PDZRN3: variants seen among roughly 807,000 people sequenced by gnomAD.
PDZRN3 encodes the protein PDZ domain containing ring finger 3, also known as E3 ubiquitin-protein ligase PDZRN3.
PDZRN3 carries 38 observed loss-of-function variants against 85.7 expected under a neutral mutation model. The observed-to-expected ratio is 0.44, with a 90% CI of 0.34 to 0.58. The LOEUF is 0.58. PDZRN3 is among the 20% of genes least tolerant of loss of function. The pLI is 0.01. For synonymous variants in PDZRN3, 759 were observed against 638.0 expected, an observed-to-expected ratio of 1.19 and a Z score of -2.86; for missense variants, 1,629 against 1,506.4, an observed-to-expected ratio of 1.08 and a Z score of -1.35.
intron 2 of PDZRN3, among the ~76,000 whole-genome samples, chr3:73,603,870 A>ACAC (rs1702553542): frequency 9.1e-6 from 1 of 110,434 alleles, no homozygotes; most frequent in African/African-American, 3.1e-5. Context: ...CACTTCCCCA[A>ACAC]ACACACACAC....
At chr3:73,540,353 AC>A (rs1419173477) in intron 3 of PDZRN3, among the ~76,000 whole-genome samples, 1 of 152,122 alleles carries the variant, frequency 6.6e-6, no homozygotes, top group Non-Finnish European at 1.5e-5. Context: ...AAACCAAAAA[AC>A]ATGTTTTTGA....
chr3:73,591,871 G>A (rs1298862619), intron 3 of PDZRN3, among the ~76,000 whole-genome samples: 2 of 152,096 alleles, frequency 1.3e-5, no homozygotes, highest in African/African-American at 4.8e-5. Flanking sequence ...TTAACTTGGT[G>A]TTATTTTCCT....
intron 3 of PDZRN3, among the ~76,000 whole-genome samples, chr3:73,448,766 T>G (rs962038272): frequency 6.6e-6 from 1 of 152,204 alleles, no homozygotes; most frequent in Admixed American, 6.5e-5. Flanking sequence ...GAATAATTTG[T>G]GGCTACCCCT....
At chr3:73,574,905 T>C (rs1702101196) in intron 3 of PDZRN3, among the ~76,000 whole-genome samples, 1 of 152,254 alleles carries the variant, frequency 6.6e-6, no homozygotes, top group Admixed American at 6.5e-5. Flanking sequence ...CACAGTCCTA[T>C]TGGAGCATGC....
chr3:73,393,438 G>C (rs1701569564), intron 5 of PDZRN3, among the ~76,000 whole-genome samples: 1 of 152,186 alleles, frequency 6.6e-6, no homozygotes, highest in African/African-American at 2.4e-5. Flanking sequence ...AACCTCTATA[G>C]CAGCTGGACA....
intron 3 of PDZRN3, among the ~76,000 whole-genome samples, chr3:73,568,219 C>T (rs1559742009): frequency 6.6e-6 from 1 of 152,128 alleles, no homozygotes; most frequent in Non-Finnish European, 1.5e-5. Flanking sequence ...TGCAGATCAT[C>T]ACTAACCTGT....
rs575466440 is a variant in PDZRN3 at position 73,532,032 on chromosome 3, C to T, written c.918+70322G>A. On this transcript the variant is annotated intron_variant, in intron 3 of 9. Transcript: ENST00000263666. ...AAACTTTTTTTTTGAGACGGAGTCT[C>T]GCTCTGTCGCCCAGGCTGGAGTGCA... 8.1e-4 allele frequency among the ~76,000 whole-genome samples: 123 copies of T among 152,280 alleles called. 1 individual carries two copies. Among genetic ancestry groups the T allele is most frequent in the Non-Finnish European group, 1.0e-3 (68 of 68,014 alleles).
At chr3:73,486,429 A>T (rs1281532584) in intron 3 of PDZRN3, among the ~76,000 whole-genome samples, 1 of 152,094 alleles carries the variant, frequency 6.6e-6, no homozygotes, top group African/African-American at 2.4e-5. Flanking sequence ...AAGCATTATG[A>T]TTCTTAAAAG....
intron 3 of PDZRN3, among the ~76,000 whole-genome samples, chr3:73,409,758 G>A (rs1423581703): frequency 6.6e-6 from 1 of 152,132 alleles, no homozygotes; most frequent in Non-Finnish European, 1.5e-5. Context: ...AAAACACAGA[G>A]TCCCAGAGAG....
At chr3:73,573,334 G>A (rs955663253) in intron 3 of PDZRN3, among the ~76,000 whole-genome samples, 18 of 152,196 alleles carry the variant, frequency 1.2e-4, no homozygotes, top group African/African-American at 3.6e-4. Context: ...CTGGGAAGAC[G>A]AGGAGGCAAA....
chr3:73,452,517 T>A lies in PDZRN3; in HGVS notation c.919-48122A>T, dbSNP rs1047339143. Among the ~76,000 whole-genome samples the A allele has an allele frequency of 1.1e-4, 16 of 152,220 alleles. 1 individual carries two copies. The highest frequency in any genetic ancestry group is 2.7e-4 in the African/African-American group (11 of 41,458). ...TGATTTCACTGAAGGCAGAAACGCA[T>A]GCTGGGACCTCTACTTTCACAGGGA... On this transcript the variant is annotated intron_variant, in intron 3 of 9. Coordinates refer to ENST00000263666, the MANE Select transcript of PDZRN3 (RefSeq NM_015009.3).
At position 73,413,974 on chromosome 3, in the gene PDZRN3, C is replaced by T. The variant is rs181578005; in HGVS notation, c.919-9579G>A. Among the ~76,000 whole-genome samples the T allele has an allele frequency of 7.9e-5, 12 of 152,230 alleles. No individual in the cohort carries two copies. In the East Asian group the frequency reaches 1.5e-3, roughly 20 times the overall value. On this transcript the variant is annotated intron_variant, in intron 3 of 9. Coordinates refer to ENST00000263666, the MANE Select transcript of PDZRN3 (RefSeq NM_015009.3). ...TAGTTGTGGATCTTCACTAACCTAC[C>T]GGAAATTGATTTTCTTCTGTCAATT...
chr3:73,596,877 A>C (rs181153515), intron 3 of PDZRN3, among the ~76,000 whole-genome samples: 2 of 152,336 alleles, frequency 1.3e-5, no homozygotes, highest in Admixed American at 6.5e-5. Context: ...GTTTTGTACC[A>C]ACATGAATTT....
chr3:73,421,869 G>A (rs762246068), intron 3 of PDZRN3, among the ~76,000 whole-genome samples: 3 of 152,174 alleles, frequency 2.0e-5, no homozygotes, highest in East Asian at 3.9e-4. Context: ...GGATGGTCTC[G>A]ATCCCCTGAC....
At chr3:73,405,454 G>A (rs1162108443) in intron 3 of PDZRN3, among the ~76,000 whole-genome samples, 1 of 152,202 alleles carries the variant, frequency 6.6e-6, no homozygotes, top group Non-Finnish European at 1.5e-5. Context: ...TGATTGGACT[G>A]CATAAAATGT....
rs751655513 is a variant in PDZRN3 at position 73,384,866 on chromosome 3, T to C, written c.1700A>G (p.Lys567Arg). The change falls in exon 10 of 10, where the codon AAG becomes AGG. Residue 567 changes from lysine (K) to arginine (R), a missense_variant. Transcript: ENST00000263666. ...TATILSNQHE[K>R]DSGVGRTDES... The stretch of plus-strand genomic sequence containing the variant: ...GTCGGTCCGCCCCACACCGCTGTCC[T>C]TCTCGTGCTGGTTGGACAAGATGGT... 3.1e-5 allele frequency: 50 copies of C among 1,613,720 alleles called. No individual in the cohort carries two copies. The highest frequency in any genetic ancestry group is 4.2e-5 in the Non-Finnish European group (50 of 1,179,792).
intron 3 of PDZRN3, among the ~76,000 whole-genome samples, chr3:73,515,046 C>G (rs1704232114): frequency 6.6e-6 from 1 of 152,086 alleles, no homozygotes; most frequent in African/African-American, 2.4e-5. Context: ...CCACTCCACC[C>G]CAGTACTTTA....
At chr3:73,504,502 ACTC>A (rs1704036665) in intron 3 of PDZRN3, among the ~76,000 whole-genome samples, 2 of 151,960 alleles carry the variant, frequency 1.3e-5, no homozygotes, top group Admixed American at 1.3e-4. Context: ...ATTTTTCTGG[ACTC>A]CTCATCTCAG....
intron 3 of PDZRN3, among the ~76,000 whole-genome samples, chr3:73,503,766 C>A (rs1426222504): frequency 5.3e-5 from 8 of 152,160 alleles, no homozygotes; most frequent in South Asian, 2.1e-4. Context: ...AAGCTTTGAA[C>A]TTTTTTGGGG....
Sources: gnomAD v4.1 joint callset for allele counts (sites outside exome capture counted in the v4.1 genomes callset) on GRCh38, gnomAD v4.1.1 for gene constraint, MANE v1.5 for transcripts, NCBI Gene and HGNC (gene_info 2026-07-23, HGNC 2026-07-21) for gene names.